TBC1D30: variants seen among roughly 807,000 people sequenced by gnomAD.
TBC1D30 encodes TBC1 domain family member 30.
TBC1D30 carries 31 observed loss-of-function variants against 63.2 expected under a neutral mutation model. The observed-to-expected ratio is 0.49, with a 90% CI of 0.37 to 0.66. The LOEUF (loss-of-function observed/expected upper bound fraction) is 0.66, where lower values mean the gene tolerates loss of function less well. TBC1D30 is among the 30% of genes least tolerant of loss of function. The pLI is 0.00. For missense variants in TBC1D30, 810 were observed against 953.6 expected, an observed-to-expected ratio of 0.85 and a Z score of 1.98; for synonymous variants, 307 against 361.5, an observed-to-expected ratio of 0.85 and a Z score of 1.71.
chr12:64,810,176 T>C (rs565319016), intron 2 of TBC1D30, among the ~76,000 whole-genome samples: 1 of 152,272 alleles, frequency 6.6e-6, no homozygotes, highest in South Asian at 2.1e-4. Flanking sequence ...AGACAACCAA[T>C]AGCAAAATAT....
intron 1 of TBC1D30, among the ~76,000 whole-genome samples, chr12:64,762,269 G>A (rs1870545018): frequency 6.6e-6 from 1 of 152,190 alleles, no homozygotes; most frequent in Non-Finnish European, 1.5e-5. Flanking sequence ...GAGGTGGTGA[G>A]GACCCAGATC....
intron 2 of TBC1D30, among the ~76,000 whole-genome samples, chr12:64,809,526 G>A (rs1229296195): frequency 3.3e-5 from 5 of 152,056 alleles, no homozygotes; most frequent in Non-Finnish European, 5.9e-5. Flanking sequence ...CCATATTTTC[G>A]CAATTGCAAA....
chr12:64,852,595 G>A (rs769132250), intron 8 of TBC1D30, among the ~76,000 whole-genome samples: 26 of 152,198 alleles, frequency 1.7e-4, no homozygotes, highest in Middle Eastern at 6.8e-3. Context: ...CGGTCTTTTT[G>A]CGCTGGTTTT....
intron 2 of TBC1D30, among the ~76,000 whole-genome samples, chr12:64,817,930 G>A (rs1347327304): frequency 2.0e-5 from 3 of 152,104 alleles, no homozygotes; most frequent in Non-Finnish European, 2.9e-5. Flanking sequence ...GGGCATGGTG[G>A]CATGCACCTG....
At chr12:64,827,799 C>T (rs142281794) in intron 1 of TBC1D30, 36 bp from the exon 2 acceptor site, 10 of 1,397,298 alleles carry the variant, frequency 7.2e-6, no homozygotes, top group Middle Eastern at 1.9e-4. Context: ...GTTATAGTCT[C>T]CAAAAATAAC....
chr12:64,868,544 T>C (rs1878407459), intron 10 of TBC1D30: 1 of 286,564 alleles, frequency 3.5e-6, no homozygotes, highest in East Asian at 9.3e-5. Context: ...GTTTAGCTTT[T>C]TCATAGATAA....
At chr12:64,838,914 T>A in intron 7 of TBC1D30, 63 bp downstream of exon 7, 1 of 1,425,780 alleles carries the variant, frequency 7.0e-7, no homozygotes, top group Non-Finnish European at 9.4e-7. Flanking sequence ...GTTTTTGTGC[T>A]CTAACGTGTA....
exon 1 of TBC1D30, chr12:64,780,881 G>A: frequency 9.9e-7 from 1 of 1,013,396 alleles, no homozygotes; most frequent in South Asian, 3.2e-5. Context: ...CGGCGGTGGC[G>A]AGGCGAGGCT....
Position 64,872,760 on chromosome 12 carries a change from G to T in TBC1D30, c.1498+1952G>T, listed in dbSNP as rs183562089. On this transcript the variant is annotated intron_variant, in intron 11 of 11. Coordinates refer to ENST00000539867, the MANE Select transcript of TBC1D30 (RefSeq NM_015279.2). ...ATGGACTTACAGTTTCACATGGCTGGGGAGGCCTCACAATCATGGTGGAAG... is the reference window on the plus strand; with the variant it reads ...ATGGACTTACAGTTTCACATGGCTGTGGAGGCCTCACAATCATGGTGGAAG... Among the ~76,000 whole-genome samples the T allele has an allele frequency of 2.0e-5, 3 of 152,270 alleles. No individual in the cohort carries two copies. In the East Asian group the frequency reaches 5.8e-4, roughly 29 times the overall value.
intron 8 of TBC1D30, among the ~76,000 whole-genome samples, chr12:64,848,616 A>G (rs941792402): frequency 2.0e-5 from 3 of 151,958 alleles, no homozygotes; most frequent in Non-Finnish European, 4.4e-5. Flanking sequence ...ACCCTTTTTT[A>G]TGGCTGCATA....
chr12:64,834,127 C>T (rs1048584174), intron 5 of TBC1D30, among the ~76,000 whole-genome samples: 1 of 152,140 alleles, frequency 6.6e-6, no homozygotes, highest in African/African-American at 2.4e-5. Flanking sequence ...GAGATGATGT[C>T]ATCATCCTTT....
chr12:64,779,105 G>A (rs191613663), upstream of TBC1D30: 1 of 152,166 alleles, frequency 6.6e-6, no homozygotes, highest in African/African-American at 2.4e-5. Flanking sequence ...AATTCCTGAT[G>A]GAGATTCCCT....
At position 64,785,938 on chromosome 12, in the gene TBC1D30, C is replaced by T. The variant is rs1188596790; in HGVS notation, c.536C>T (p.Ser179Leu). The change falls in exon 2 of 13, where the codon TCG becomes TTG. Residue 179 changes from serine to leucine, a missense_variant. Coordinates refer to the TBC1D30 transcript ENST00000542120. ...CTAAAGTACAGAATTGGCATCCAGT[C>T]GGCCAAGTTACTTCGGCATCTGAAG... 2.9e-5 allele frequency: 37 copies of T among 1,289,824 alleles called. No homozygotes were observed. In the East Asian group the frequency reaches 5.0e-4, roughly 17 times the overall value. The allele number at this position is 1,289,824 out of a possible 1,614,324, so 79.9% of individuals were successfully genotyped here.
rs60136357 is a variant in TBC1D30 at position 64,818,060 on chromosome 12, CAAA to C, written c.644-9759_644-9757del. The stretch of plus-strand genomic sequence containing the variant: ...CCTGGGCAACAGAGTGAGACTCTAC[CAAA>C]AAAAAAAAAAAAAAATCTTAGAATG... On this transcript the variant is annotated intron_variant, in intron 2 of 12. Coordinates refer to the TBC1D30 transcript ENST00000542120. Among the ~76,000 whole-genome samples the C allele has an allele frequency of 3.3e-3, 453 of 137,012 alleles. 1 individual carries two copies. The highest frequency in any genetic ancestry group is 5.3e-3 in the East Asian group (25 of 4,752). The allele number at this position is 137,012 out of a possible 152,430, so 89.9% of individuals were successfully genotyped here.
intron 8 of TBC1D30, among the ~76,000 whole-genome samples, chr12:64,849,678 T>G (rs1417697525): frequency 6.6e-6 from 1 of 152,204 alleles, no homozygotes; most frequent in Non-Finnish European, 1.5e-5. Context: ...TACTGTAGCC[T>G]TGTAGTATAG....
rs78253843 is a variant in TBC1D30, at chr12:64,785,840, T to C, written c.479-41T>C. On this transcript the variant is annotated intron_variant, in intron 1 of 12. Coordinates refer to the TBC1D30 transcript ENST00000542120. ...TATCACACTGGAATTTGTATTCCTC[T>C]CAAGGTATTAATCGTTATTCTTATT... 1,558 of 1,265,054 alleles carry C rather than the reference T, an allele frequency of 1.2e-3. 23 individuals are homozygous for C. The African/African-American group carries it at 0.022, about 18-fold the overall frequency. 78.4% of individuals were successfully genotyped at this position (1,265,054 alleles called of 1,614,324 possible).
At chr12:64,781,692 TTTTTTTTTTTTTG>T (rs1871301526) in intron 1 of TBC1D30, among the ~76,000 whole-genome samples, 1 of 20,126 alleles carries the variant, frequency 5.0e-5, no homozygotes, top group Non-Finnish European at 8.9e-5. Context: ...TGTTCTTTCC[TTTTTTTTTTTTTG>T]TTTTTTTGTT....
At chr12:64,840,558 A>C (rs1875781111) in intron 7 of TBC1D30, among the ~76,000 whole-genome samples, 1 of 152,206 alleles carries the variant, frequency 6.6e-6, no homozygotes. Context: ...TCGCTGTTCT[A>C]ATTACTCTGC....
chr12:64,824,290 G>A (rs562971820), upstream of TBC1D30, among the ~76,000 whole-genome samples: 1 of 152,108 alleles, frequency 6.6e-6, no homozygotes, highest in Non-Finnish European at 1.5e-5. Context: ...GGGCTGAAGC[G>A]TGTGCCTCGC....
Sources: allele counts gnomAD v4.1 joint callset (sites outside exome capture counted in the v4.1 genomes callset), GRCh38; gene constraint gnomAD v4.1.1; transcripts MANE v1.5; gene names NCBI Gene and HGNC (gene_info 2026-07-23, HGNC 2026-07-21).